PRKG1: variants seen among roughly 807,000 people sequenced by gnomAD.
PRKG1 encodes cGMP-dependent protein kinase 1.
Under a neutral mutation model 88.1 loss-of-function variants are expected in PRKG1, and 35 were observed. The observed-to-expected ratio is 0.40, with a 90% CI of 0.30 to 0.53. PRKG1 has a LOEUF of 0.53. PRKG1 is among the 20% of genes least tolerant of loss of function. The pLI, the probability that PRKG1 is intolerant of heterozygous loss-of-function variation, is 0.59. For missense variants in PRKG1, 540 were observed against 839.8 expected (o/e 0.64, Z 4.41); for synonymous variants, 303 against 292.5 (o/e 1.04, Z -0.37).
At chr10:52,040,742 C>A (rs1014249634) in intron 5 of PRKG1, among the ~76,000 whole-genome samples, 1 of 151,836 alleles carries the variant, frequency 6.6e-6, no homozygotes, top group East Asian at 1.9e-4. Flanking sequence ...AGTGGGCATC[C>A]CTATCTTATT....
chr10:51,916,071 G>T (rs1450896068), intron 5 of PRKG1, among the ~76,000 whole-genome samples: 2 of 152,110 alleles, frequency 1.3e-5, no homozygotes, highest in African/African-American at 4.8e-5. Flanking sequence ...TAAACATGGG[G>T]TTACCGCGTT....
intron 7 of PRKG1, among the ~76,000 whole-genome samples, chr10:52,114,634 C>T (rs1219922584): frequency 6.6e-6 from 1 of 151,860 alleles, no homozygotes; most frequent in African/African-American, 2.4e-5. Context: ...TTGGTTCTTC[C>T]AATCATCAAT....
intron 3 of PRKG1, among the ~76,000 whole-genome samples, chr10:51,779,332 G>T (rs1292890765): frequency 6.6e-6 from 1 of 151,938 alleles, no homozygotes; most frequent in Non-Finnish European, 1.5e-5. Flanking sequence ...TTTTCCTTGT[G>T]GGTCCCCTGT....
intron 3 of PRKG1, among the ~76,000 whole-genome samples, chr10:51,726,685 C>A (rs1229720547): frequency 6.6e-6 from 1 of 152,150 alleles, no homozygotes; most frequent in African/African-American, 2.4e-5. Flanking sequence ...ACCCATGTAA[C>A]CATGGTTAAC....
At chr10:52,021,033 C>T (rs138952524) in intron 5 of PRKG1, among the ~76,000 whole-genome samples, 2,180 of 152,134 alleles carry the variant, frequency 0.014, 29 homozygotes, top group Non-Finnish European at 0.023. Flanking sequence ...GGGGTGAGAC[C>T]TCTCCTGCCC....
At chr10:50,996,780 A>G (rs927698435) in intron 1 of PRKG1, among the ~76,000 whole-genome samples, 1 of 152,158 alleles carries the variant, frequency 6.6e-6, no homozygotes, top group African/African-American at 2.4e-5. Context: ...CACCATCAAC[A>G]TGGATTGATT....
At chr10:51,161,941 C>T (rs963006859) in intron 2 of PRKG1, among the ~76,000 whole-genome samples, 1 of 152,198 alleles carries the variant, frequency 6.6e-6, no homozygotes. Context: ...AAATTTACTT[C>T]AACCATCATT....
chr10:51,908,739 T>C (rs375801846), intron 5 of PRKG1: 1 of 48,762 alleles, frequency 2.1e-5, no homozygotes, highest in Admixed American at 1.6e-4. Context: ...ATGTAATTTT[T>C]TTTTTTTTGA....
At chr10:52,254,862 C>A (rs896971754) in intron 10 of PRKG1, among the ~76,000 whole-genome samples, 27 of 151,996 alleles carry the variant, frequency 1.8e-4, no homozygotes, top group African/African-American at 5.3e-4. Context: ...AAGTGAAGAT[C>A]TTTTAGGCAT....
chr10:52,090,249 T>C (rs1847022416), intron 7 of PRKG1, among the ~76,000 whole-genome samples: 1 of 151,160 alleles, frequency 6.6e-6, no homozygotes, highest in African/African-American at 2.4e-5. Flanking sequence ...AAGGAATGAT[T>C]TTTTTTTTAA....
chr10:51,151,431 A>G (rs1020847296), intron 1 of PRKG1, among the ~76,000 whole-genome samples: 4 of 152,012 alleles, frequency 2.6e-5, no homozygotes, highest in African/African-American at 9.7e-5. Flanking sequence ...TATTCAGCTG[A>G]TATTTTTAAA....
chr10:51,665,642 G>A lies in PRKG1; in HGVS notation c.593-138943G>A, dbSNP rs546384262. Among the ~76,000 whole-genome samples, 3 of 151,536 alleles carry A rather than the reference G, an allele frequency of 2.0e-5. No homozygotes were observed. In the South Asian group the frequency reaches 6.3e-4, roughly 32 times the overall value. On this transcript the variant is annotated intron_variant, in intron 3 of 17. Coordinates refer to ENST00000373980, the MANE Select transcript of PRKG1 (RefSeq NM_006258.4). ...AAAGAGATTAACAACTGAATTTTGT[G>A]GTTTTTGAAATGTTGTTTCAACAGT...
intron 3 of PRKG1, among the ~76,000 whole-genome samples, chr10:51,554,955 A>C (rs1837272734): frequency 6.6e-6 from 1 of 151,930 alleles, no homozygotes; most frequent in African/African-American, 2.4e-5. Flanking sequence ...ATTTCAAAAG[A>C]AAAAAGATAC....
At chr10:51,408,985 A>C (rs1049317359) in intron 2 of PRKG1, among the ~76,000 whole-genome samples, 2 of 152,160 alleles carry the variant, frequency 1.3e-5, no homozygotes, top group Non-Finnish European at 2.9e-5. Flanking sequence ...GCTTCTTCCA[A>C]GTCCCTGACC....
At chr10:51,130,765 T>C (rs966228631) in intron 1 of PRKG1, among the ~76,000 whole-genome samples, 1 of 151,936 alleles carries the variant, frequency 6.6e-6, no homozygotes, top group Non-Finnish European at 1.5e-5. Context: ...CAACCGGGCA[T>C]GGTGGCAGGC....
In PRKG1 at chr10:52,293,859, C is replaced by A. The variant is rs1842326388; in HGVS notation, c.2020C>A (p.Pro674Thr). The A allele has an allele frequency of 6.2e-7, 1 of 1,612,956 alleles. No individual in the cohort carries two copies. Among genetic ancestry groups the A allele is most frequent in the Non-Finnish European group, 8.5e-7 (1 of 1,179,252 alleles). ...CAGTTTCCCTGAGGACAACGATGAA[C>A]CACCACCTGATGACAACTCAGGATG... ...FDSFPEDNDE[P>T]PPDDNSGWDI... is the part of the protein sequence containing the mutation. Residue 674 changes from proline to threonine, a missense_variant, in exon 18 of 18, where the codon CCA (proline) becomes ACA (threonine). Transcript: ENST00000373980.
At chr10:51,875,444 T>C (rs1841272097) in intron 4 of PRKG1, among the ~76,000 whole-genome samples, 3 of 152,026 alleles carry the variant, frequency 2.0e-5, no homozygotes, top group Admixed American at 6.6e-5. Flanking sequence ...GGTTGGTTGG[T>C]TGGCTGATTT....
intron 2 of PRKG1, among the ~76,000 whole-genome samples, chr10:51,241,833 A>T (rs918760020): frequency 2.0e-5 from 3 of 152,138 alleles, no homozygotes; most frequent in Non-Finnish European, 4.4e-5. Flanking sequence ...TGATGAAAAC[A>T]CCCTTAAAAA....
intron 2 of PRKG1, among the ~76,000 whole-genome samples, chr10:51,287,703 G>T (rs1840478008): frequency 6.6e-6 from 1 of 152,146 alleles, no homozygotes; most frequent in Non-Finnish European, 1.5e-5. Context: ...AGATTTAAAT[G>T]GGGAGAAGGG....
Sources: gnomAD v4.1 joint callset for allele counts (sites outside exome capture counted in the v4.1 genomes callset) on GRCh38, gnomAD v4.1.1 for gene constraint, MANE v1.5 for transcripts, NCBI Gene and HGNC (gene_info 2026-07-23, HGNC 2026-07-21) for gene names.